The following TNPO3 variants were observed in gnomAD, a reference collection of about 807,000 sequenced individuals.
TNPO3 encodes transportin 3, also known as transportin-3.
In TNPO3, 65 loss-of-function variants were observed where a neutral mutation model predicts 122.8. The observed-to-expected ratio is 0.53, with a 90% CI of 0.43 to 0.65. The LOEUF (loss-of-function observed/expected upper bound fraction) is 0.65, where lower values mean the gene tolerates loss of function less well. TNPO3 is among the 30% of genes least tolerant of loss of function. TNPO3 has a pLI of 0.00. For synonymous variants in TNPO3, 372 were observed against 411.2 expected (o/e 0.90, Z 1.15); for missense variants, 850 against 1,136.7 (o/e 0.75, Z 3.63).
chr7:128,958,134 T>A (rs1433720066), intron 21 of TNPO3, among the ~76,000 whole-genome samples: 2 of 124,718 alleles, frequency 1.6e-5, no homozygotes, highest in Admixed American at 8.4e-5. Flanking sequence ...AAGGAAGCAC[T>A]TCCTTTTTTT....
chr7:129,002,937 G>A (rs1215035140), intron 5 of TNPO3, among the ~76,000 whole-genome samples: 1 of 151,156 alleles, frequency 6.6e-6, no homozygotes, highest in Non-Finnish European at 1.5e-5. Context: ...CTACTGAGGA[G>A]GCTGAGGCAG....
chr7:129,045,425 G>T (rs923724903), intron 1 of TNPO3, among the ~76,000 whole-genome samples: 1 of 150,922 alleles, frequency 6.6e-6, no homozygotes, highest in Admixed American at 6.6e-5. Context: ...GAGCCTGGGA[G>T]TTTAAGGCTG....
intron 21 of TNPO3, among the ~76,000 whole-genome samples, chr7:128,965,623 G>T (rs1172097014): frequency 6.6e-6 from 1 of 152,206 alleles, no homozygotes; most frequent in Non-Finnish European, 1.5e-5. Context: ...GAAAGCAGGG[G>T]CTGAAAGAGA....
chr7:129,051,468 T>C (rs1808757951), intron 1 of TNPO3, among the ~76,000 whole-genome samples: 1 of 151,162 alleles, frequency 6.6e-6, no homozygotes, highest in Non-Finnish European at 1.5e-5. Context: ...CCTGAGTAGC[T>C]GGGACTATAG....
At chr7:128,959,769 C>T (rs74573030) in intron 21 of TNPO3, among the ~76,000 whole-genome samples, 14,376 of 152,150 alleles carry the variant, frequency 0.094, 752 homozygotes, top group Non-Finnish European at 0.12. Flanking sequence ...CACCTGTAAT[C>T]GCAGCACTTT....
intron 21 of TNPO3, among the ~76,000 whole-genome samples, chr7:128,958,732 G>A (rs1284522021): frequency 2.6e-5 from 4 of 152,202 alleles, no homozygotes; most frequent in African/African-American, 9.7e-5. Flanking sequence ...GAACATTCTA[G>A]AAACTTTCTT....
At chr7:128,989,047 A>G (rs1483569134) in intron 11 of TNPO3, among the ~76,000 whole-genome samples, 1 of 152,222 alleles carries the variant, frequency 6.6e-6, no homozygotes, top group Non-Finnish European at 1.5e-5. Flanking sequence ...ACTGCATTTC[A>G]GCCTGGGCAA....
At chr7:128,985,558 T>C (rs1177098382) in intron 12 of TNPO3, among the ~76,000 whole-genome samples, 2 of 152,198 alleles carry the variant, frequency 1.3e-5, no homozygotes, top group East Asian at 3.8e-4. Context: ...ATCATGCCAC[T>C]GCATCCCAGC....
chr7:129,042,886 T>C (rs1378082415), intron 1 of TNPO3, among the ~76,000 whole-genome samples: 1 of 145,836 alleles, frequency 6.9e-6, no homozygotes, highest in Non-Finnish European at 1.5e-5. Context: ...AAAAAAATTG[T>C]AAAAGAAAAG....
chr7:128,985,298 C>G (rs974882820), intron 12 of TNPO3, among the ~76,000 whole-genome samples: 1 of 152,196 alleles, frequency 6.6e-6, no homozygotes, highest in African/African-American at 2.4e-5. Context: ...AAGTATGTTA[C>G]TTTAAAAAGT....
intron 1 of TNPO3, among the ~76,000 whole-genome samples, chr7:129,040,254 C>CA (rs57306586): frequency 0.16 from 12,342 of 79,134 alleles, 747 homozygotes; most frequent in African/African-American, 0.28. Context: ...GACGCCATCT[C>CA]AAAAAAAAAA....
intron 1 of TNPO3, chr7:129,028,939 T>C: frequency 2.3e-6 from 1 of 439,672 alleles, no homozygotes. Context: ...GCTTCCTTGA[T>C]GAAGGTTTTA....
chr7:128,957,952 T>C (rs1180940876), intron 21 of TNPO3, among the ~76,000 whole-genome samples: 2 of 152,152 alleles, frequency 1.3e-5, no homozygotes, highest in East Asian at 3.8e-4. Flanking sequence ...CTATGTGATA[T>C]GAATAGCCCA....
chr7:129,020,007 A>C (rs771797847), intron 1 of TNPO3, among the ~76,000 whole-genome samples: 1 of 152,046 alleles, frequency 6.6e-6, no homozygotes, highest in Non-Finnish European at 1.5e-5. Flanking sequence ...TTAAAAAATA[A>C]AAAATAAAAA....
At chr7:129,034,366 G>A (rs935665752) in intron 1 of TNPO3, among the ~76,000 whole-genome samples, 2 of 152,044 alleles carry the variant, frequency 1.3e-5, no homozygotes, top group African/African-American at 2.4e-5. Flanking sequence ...ATGATGGCAT[G>A]TCTGTAGTCC....
chr7:129,035,223 G>A (rs533606186), intron 1 of TNPO3, among the ~76,000 whole-genome samples: 90 of 151,878 alleles, frequency 5.9e-4, no homozygotes, highest in South Asian at 1.7e-3. Context: ...GCAGTGAGCC[G>A]AGATAGAGCC....
chr7:129,000,419 T>C lies in TNPO3; in HGVS notation c.1011+10A>G. On this transcript the variant is annotated intron_variant, in intron 7 of 22. Transcript: ENST00000265388. Reference sequence around the variant, plus strand: ...GGAGAATAATGGCCTTTGAATAGCATAAACACTACCTCATATTGAGGATGG... The same window carrying C: ...GGAGAATAATGGCCTTTGAATAGCACAAACACTACCTCATATTGAGGATGG... The C allele has an allele frequency of 6.2e-7, 1 of 1,608,940 alleles. No homozygotes were observed. Among genetic ancestry groups the C allele is most frequent in the Non-Finnish European group, 8.5e-7 (1 of 1,176,986 alleles).
intron 5 of TNPO3, among the ~76,000 whole-genome samples, 178 bp from the exon 6 acceptor site, chr7:129,001,412 T>C (rs558031123): frequency 1.4e-3 from 208 of 152,328 alleles, no homozygotes; most frequent in South Asian, 5.6e-3. Flanking sequence ...ACTATTTACA[T>C]AGCATTTACA....
chr7:129,014,886 A>G lies in TNPO3; in HGVS notation c.552+93T>C, dbSNP rs1023843724. 8.4e-6 allele frequency: 11 copies of G among 1,303,874 alleles called. No homozygotes were observed. In the African/African-American group the frequency reaches 1.7e-4, roughly 20 times the overall value. 80.8% of individuals were successfully genotyped at this position (1,303,874 alleles called of 1,614,324 possible). A position where few individuals can be genotyped will look rare whatever the true frequency, so the allele number is the denominator to read the frequency against. The stretch of plus-strand genomic sequence containing the variant: ...AAAGCATCATCATTAAATTTTGCAA[A>G]GAAAGCTATTTCACAATAATGCAAT... On this transcript the variant is annotated intron_variant, in intron 4 of 22. Transcript: ENST00000265388.
Sources: gnomAD v4.1 joint callset for allele counts (sites outside exome capture counted in the v4.1 genomes callset) on GRCh38, gnomAD v4.1.1 for gene constraint, MANE v1.5 for transcripts, NCBI Gene and HGNC (gene_info 2026-07-23, HGNC 2026-07-21) for gene names.